The following TARBP2 variants were observed in gnomAD, a reference collection of about 807,000 sequenced individuals.
TARBP2 encodes RISC-loading complex subunit TARBP2.
Under a neutral mutation model 40.4 loss-of-function variants are expected in TARBP2, and 23 were observed. The observed-to-expected ratio is 0.57, with a 90% confidence interval of 0.41 to 0.81. TARBP2 has a LOEUF of 0.81. Ranked by LOEUF, TARBP2 falls within the 30% of genes least tolerant of loss-of-function variation. The probability of loss-of-function intolerance (pLI) is 0.00; values close to 1 mark genes in which losing one functional copy is unlikely to be tolerated. For missense variants in TARBP2, 358 were observed against 473.7 expected (o/e 0.76, Z 2.27); for synonymous variants, 183 against 190.5 (o/e 0.96, Z 0.32).
intron 4 of TARBP2, 142 bp from the exon 5 acceptor site, chr12:53,504,255 G>A: frequency 2.7e-6 from 2 of 753,584 alleles, no homozygotes; most frequent in Non-Finnish European, 2.1e-6. Context: ...GAGCAGGCTA[G>A]ATGTGTGGAC....
intron 3 of TARBP2, chr12:53,503,395 C>G: frequency 1.5e-6 from 1 of 680,606 alleles, no homozygotes; most frequent in Non-Finnish European, 2.3e-6. Flanking sequence ...AGGCTTGAGG[C>G]TAAAGGGAGT....
chr12:53,501,611 A>T, intron 1 of TARBP2, 150 bp downstream of exon 1: 1 of 1,469,686 alleles, frequency 6.8e-7, no homozygotes, highest in Non-Finnish European at 9.0e-7. Flanking sequence ...GCACCGGGGC[A>T]GTGGCTGCTG....
At chr12:53,504,164 T>C in intron 4 of TARBP2, 1 of 563,756 alleles carries the variant, frequency 1.8e-6, no homozygotes, top group Admixed American at 3.5e-5. Context: ...GATACCCAAG[T>C]GTTCCAGAAT....
intron 2 of TARBP2, 27 bp downstream of exon 2, chr12:53,502,211 G>A (rs762691385): frequency 6.2e-7 from 1 of 1,612,944 alleles, no homozygotes. Flanking sequence ...CAGCCTGGCT[G>A]GGGTGTGCAT....
Position 53,503,130 on chromosome 12 carries a change from G to A in TARBP2, c.326+1G>A. ...TGGAGCCGGCCCTGGAGGACAGCAG[G>A]TGAGGGAGGAACCGAGGCATCCCAG... On this transcript the variant is annotated splice_donor_variant, in intron 3 of 8. Transcript: ENST00000266987. LOFTEE classifies it high-confidence loss of function. 1 of 1,548,020 alleles carries A rather than the reference G, an allele frequency of 6.5e-7. No individual in the cohort carries two copies.
At chr12:53,503,678 G>T (rs761526858) in intron 3 of TARBP2, 35 bp from the exon 4 acceptor site, 1 of 1,488,426 alleles carries the variant, frequency 6.7e-7, no homozygotes, top group Non-Finnish European at 9.4e-7. Flanking sequence ...CCCTATACAT[G>T]GGTGTGAATC....
Position 53,504,640 on chromosome 12 carries a change from G to A in TARBP2, c.496-58G>A, listed in dbSNP as rs538058473. ...CTGAGGCTCCTGCGTGGGGACCAGC[G>A]TGGGTGTGAGAAGCCTTTTTTCACT... On this transcript the variant is annotated intron_variant, in intron 5 of 8. Coordinates refer to ENST00000266987, the MANE Select transcript of TARBP2 (RefSeq NM_134323.2). The A allele has an allele frequency of 1.2e-4, 196 of 1,613,822 alleles. No homozygotes were observed. The South Asian group carries it at 1.8e-3, about 14-fold the overall frequency.
rs1423088988 is a variant in TARBP2 at position 53,506,160 on chromosome 12, G to T, written c.*12G>T. On this transcript the variant is annotated 3_prime_UTR_variant, in exon 9 of 9. Coordinates refer to ENST00000266987, the MANE Select transcript of TARBP2 (RefSeq NM_134323.2). ...CAGGCAGCAAGTGAAGCCCCAGCTG[G>T]ACTCATGGATGTGCACCCTTTGCTC... 1 of 1,612,272 alleles carries T rather than the reference G, an allele frequency of 6.2e-7. No individual in the cohort carries two copies. The highest frequency in any genetic ancestry group is 8.5e-7 in the Non-Finnish European group (1 of 1,179,358).
At position 53,506,190 on chromosome 12, in the gene TARBP2, CTCTT is replaced by C. The variant is rs766141270; in HGVS notation, c.*46_*49del. The C allele has an allele frequency of 6.3e-7, 1 of 1,594,590 alleles. No homozygotes were observed. Among genetic ancestry groups the C allele is most frequent in the South Asian group, 1.1e-5 (1 of 89,330 alleles). On this transcript the variant is annotated 3_prime_UTR_variant, in exon 9 of 9. Transcript: ENST00000266987. ...ATGGATGTGCACCCTTTGCTCCCTG[CTCTT>C]TCTGCCTCTGGGCTCATGTATCTGC...
In TARBP2 at chr12:53,505,879, G is replaced by C. The variant is rs765248576; in HGVS notation, c.943+29G>C. 1 of 1,610,238 alleles carries C rather than the reference G, an allele frequency of 6.2e-7. No homozygotes were observed. Among genetic ancestry groups the C allele is most frequent in the South Asian group, 1.1e-5 (1 of 91,034 alleles). On this transcript the variant is annotated intron_variant, in intron 8 of 8. Transcript: ENST00000266987. The surrounding 1 kb of genome is among the most constrained non-coding windows in gnomAD (Gnocchi z 4.5). ...TGGCTAGCTGGGGAGCGAGCCAGGG[G>C]ATGGTGGGGGCTGGACCGGAGCAAG... is the stretch of plus-strand genomic sequence containing the variant.
rs1483483059 is a variant in TARBP2 at position 53,505,788 on chromosome 12, G to A, written c.881G>A (p.Cys294Tyr). Reference protein sequence around the residue: ...LGSLGALGPACCRVLSELSEE... With the variant: ...LGSLGALGPAYCRVLSELSEE... ...TCCCTGGGTGCCCTGGGCCCTGCCT[G>A]CTGCCGTGTCCTCAGTGAGCTCTCT... The change falls in exon 8 of 9, where the codon TGC becomes TAC. Residue 294 changes from cysteine to tyrosine, a missense_variant. Coordinates refer to ENST00000266987, the MANE Select transcript of TARBP2 (RefSeq NM_134323.2). The surrounding 1 kb of genome is among the most constrained non-coding windows in gnomAD (Gnocchi z 4.5). The A allele has an allele frequency of 6.2e-7, 1 of 1,614,048 alleles. No homozygotes were observed. The highest frequency in any genetic ancestry group is 2.2e-5 in the East Asian group (1 of 44,880).
Position 53,505,819 on chromosome 12 carries a change from G to A in TARBP2, c.912G>A (p.Glu304=). The change falls in exon 8 of 9, where the codon GAG becomes GAA. Residue 304 remains glutamate, a synonymous_variant. Transcript: ENST00000266987. The surrounding 1 kb of genome is among the most constrained non-coding windows in gnomAD (Gnocchi z 4.5). ...CCRVLSELSE[E]QAFHVSYLDI... ...GTGTCCTCAGTGAGCTCTCTGAGGA[G>A]CAGGCCTTTCACGTCAGCTACCTGG... The A allele has an allele frequency of 1.9e-6, 3 of 1,614,032 alleles. No individual in the cohort carries two copies. The highest frequency in any genetic ancestry group is 2.5e-6 in the Non-Finnish European group (3 of 1,179,982).
At chr12:53,501,231 C>T (rs1454816853), upstream of TARBP2, 2 of 661,662 alleles carry the variant, frequency 3.0e-6, no homozygotes, top group Non-Finnish European at 5.1e-6. Flanking sequence ...GCGGATAGCT[C>T]CCCTCCAGAT....
upstream of TARBP2, chr12:53,501,114 A>G: frequency 2.0e-6 from 1 of 502,876 alleles, no homozygotes; most frequent in Non-Finnish European, 3.6e-6. Flanking sequence ...GGACGGTATT[A>G]CAAACAAAAA....
rs962970330 is a variant in TARBP2, at chr12:53,503,502, C to G, written c.327-211C>G. On this transcript the variant is annotated intron_variant, in intron 3 of 8. Coordinates refer to ENST00000266987, the MANE Select transcript of TARBP2 (RefSeq NM_134323.2). ...TCTGGTTCTTGGGTACAAAGATACC[C>G]TCTTCTCTGAGACTCTCTTTTCTCA... is the stretch of plus-strand genomic sequence containing the variant. The G allele has an allele frequency of 5.1e-6, 3 of 585,446 alleles. No homozygotes were observed. In the East Asian group the frequency reaches 8.7e-5, roughly 17 times the overall value. 36.3% of individuals were successfully genotyped at this position (585,446 alleles called of 1,614,324 possible).
Position 53,505,732 on chromosome 12 carries a change from G to T in TARBP2, c.825G>T (p.Lys275Asn). The change falls in exon 8 of 9, where the codon AAG (lysine) becomes AAT (asparagine). Residue 275 changes from lysine (K) to asparagine (N), a missense_variant. This residue lies in a region of TARBP2 where 317 missense variants were observed against 422.9 expected (regional missense o/e 0.75). Transcript: ENST00000266987. The surrounding 1 kb of genome is among the most constrained non-coding windows in gnomAD (Gnocchi z 4.5). ...WDSLRNSVGE[K>N]ILSLRSCSLG... ...CTCTACGAAATTCAGTAGGAGAGAA[G>T]ATCCTGTCCCTCCGCAGTTGCTCCC... The T allele has an allele frequency of 6.2e-7, 1 of 1,614,118 alleles. No homozygotes were observed. Among genetic ancestry groups the T allele is most frequent in the African/African-American group, 1.3e-5 (1 of 75,026 alleles).
rs767373404 is a variant in TARBP2 at position 53,501,460 on chromosome 12, A to G, written c.52A>G (p.Ser18Gly). ...CACTACCACGGGCTGCGGGCTGCCTAGGTGAGCCGTCTCGTACCGATTCCT... is the reference window on the plus strand; with the variant it reads ...CACTACCACGGGCTGCGGGCTGCCTGGGTGAGCCGTCTCGTACCGATTCCT... Reference protein sequence around the residue: ...SGTTTGCGLPSIEQMLAANPG... With the variant: ...SGTTTGCGLPGIEQMLAANPG... Residue 18 changes from serine to glycine, a missense_variant and splice_region_variant, in exon 1 of 9, where the codon AGT becomes GGT. Ser to Gly is a moderately conservative substitution (Grantham distance 56, BLOSUM62 0). Coordinates refer to ENST00000266987, the MANE Select transcript of TARBP2 (RefSeq NM_134323.2). The G allele has an allele frequency of 1.3e-5, 20 of 1,567,128 alleles. No homozygotes were observed. Among genetic ancestry groups the G allele is most frequent in the East Asian group, 4.7e-5 (2 of 42,222 alleles).
rs780987963 is a variant in TARBP2 at position 53,503,746 on chromosome 12, G to T, written c.360G>T (p.Glu120Asp). ...SFSPLDSSLP[E>D]DIPVFTAAAA... ...CTCCCCTAGACTCTTCACTGCCTGA[G>T]GACATTCCGGTTTTTACTGCTGCAG... Residue 120 changes from glutamate (E) to aspartate (D), a missense_variant, in exon 4 of 9, where the codon GAG becomes GAT. This residue lies in a region of TARBP2 where 317 missense variants were observed against 422.9 expected (regional missense o/e 0.75). Transcript: ENST00000266987. 2 of 1,614,182 alleles carry T rather than the reference G, an allele frequency of 1.2e-6. No homozygotes were observed. The highest frequency in any genetic ancestry group is 8.5e-7 in the Non-Finnish European group (1 of 1,180,022).
Position 53,505,256 on chromosome 12 carries a change from C to T in TARBP2, c.735C>T (p.Phe245=), listed in dbSNP as rs1295741009. The T allele has an allele frequency of 6.3e-7, 1 of 1,594,050 alleles. No individual in the cohort carries two copies. Among genetic ancestry groups the T allele is most frequent in the South Asian group, 1.1e-5 (1 of 90,190 alleles). Residue 245 remains phenylalanine (F), a synonymous_variant, in exon 7 of 9, where the codon TTC becomes TTT. Coordinates refer to ENST00000266987, the MANE Select transcript of TARBP2 (RefSeq NM_134323.2). The surrounding 1 kb of genome is among the most constrained non-coding windows in gnomAD (Gnocchi z 4.5). The stretch of plus-strand genomic sequence containing the variant: ...AGGTGGAGCCTGATGATGACCACTT[C>T]TCCATTGTGAGTGGCTCATGTGGGC... ...GNEVEPDDDH[F]SIGVGSRLDG...
Sources: allele counts gnomAD v4.1 joint callset, GRCh38; gene constraint gnomAD v4.1.1; regional missense constraint gnomAD v4.1.1; non-coding constraint Gnocchi (gnomAD v3.1); transcripts MANE v1.5; gene names NCBI Gene and HGNC (gene_info 2026-07-23, HGNC 2026-07-21).